CLVS1: variants seen among roughly 807,000 people sequenced by gnomAD.
CLVS1 encodes the protein clavesin-1.
Under a neutral mutation model 33.1 loss-of-function variants are expected in CLVS1, and 10 were observed. The observed-to-expected ratio is 0.30, with a 90% confidence interval of 0.19 to 0.51. The LOEUF (loss-of-function observed/expected upper bound fraction) is 0.51, where lower values mean the gene tolerates loss of function less well. Ranked by LOEUF, CLVS1 falls within the 20% of genes least tolerant of loss-of-function variation. The probability of loss-of-function intolerance (pLI) is 0.97; values close to 1 mark genes in which losing one functional copy is unlikely to be tolerated. For synonymous variants in CLVS1, 163 were observed against 166.1 expected (o/e 0.98, Z 0.14); for missense variants, 343 against 433.4 (o/e 0.79, Z 1.85).
chr8:61,477,894 G>A (rs377575180), intron 5 of CLVS1, among the ~76,000 whole-genome samples: 1 of 152,092 alleles, frequency 6.6e-6, no homozygotes, highest in Non-Finnish European at 1.5e-5. Flanking sequence ...TGATGTTAGG[G>A]TGTCAATTTT....
chr8:61,111,972 T>C (rs1805635439), intron 1 of CLVS1, among the ~76,000 whole-genome samples: 1 of 152,228 alleles, frequency 6.6e-6, no homozygotes, highest in Non-Finnish European at 1.5e-5. Flanking sequence ...CAAAGTTTTT[T>C]TCAAATCGGT....
At chr8:61,206,790 T>C (rs1807854910) in intron 2 of CLVS1, among the ~76,000 whole-genome samples, 1 of 152,150 alleles carries the variant, frequency 6.6e-6, no homozygotes, top group African/African-American at 2.4e-5. Flanking sequence ...GGTTTCACCT[T>C]GTTAGCCAGG....
In CLVS1 at chr8:61,074,399, T is replaced by TTATATATA. The variant is rs796909464; in HGVS notation, c.-243+17174_-243+17181dup. 5.8e-4 allele frequency among the ~76,000 whole-genome samples: 32 copies of TTATATATA among 55,558 alleles called. 1 individual carries two copies. Among genetic ancestry groups the TTATATATA allele is most frequent in the African/African-American group, 2.6e-3 (11 of 4,282 alleles). 36.4% of individuals were successfully genotyped at this position (55,558 alleles called of 152,430 possible). On this transcript the variant is annotated intron_variant, in intron 1 of 2. Transcript: ENST00000522621. Reference sequence around the variant, plus strand: ...ATAAGTATATGTGTATATATATATGTTATATATATATAAGTATATGTGTAT... The same window carrying TTATATATA: ...ATAAGTATATGTGTATATATATATGTTATATATATATATATATATAAGTATATGTGTAT...
chr8:61,314,201 G>C (rs1810936364), intron 2 of CLVS1, among the ~76,000 whole-genome samples: 6 of 152,142 alleles, frequency 3.9e-5, no homozygotes, highest in Admixed American at 1.3e-4. Context: ...CCCTTTCCCT[G>C]ACAGGGTCGT....
At chr8:61,453,810 A>T (rs1208541011) in intron 3 of CLVS1, among the ~76,000 whole-genome samples, 2 of 152,170 alleles carry the variant, frequency 1.3e-5, no homozygotes. Flanking sequence ...ACCTAACGCA[A>T]TGAAGAATTC....
chr8:61,058,474 C>A (rs968469294), intron 1 of CLVS1, among the ~76,000 whole-genome samples: 6 of 152,208 alleles, frequency 3.9e-5, no homozygotes, highest in African/African-American at 1.4e-4. Flanking sequence ...GAAGTTACTT[C>A]TGACTGACCA....
intron 1 of CLVS1, among the ~76,000 whole-genome samples, chr8:61,123,403 A>T (rs1805913104): frequency 6.6e-6 from 1 of 152,232 alleles, no homozygotes. Context: ...CCTGATTTAG[A>T]GTAAAACATT....
intron 5 of CLVS1, among the ~76,000 whole-genome samples, chr8:61,487,045 G>A (rs572601674): frequency 6.6e-6 from 1 of 152,206 alleles, no homozygotes; most frequent in South Asian, 2.1e-4. Context: ...AAATTTTAAT[G>A]AGCATACAAA....
At chr8:61,273,862 C>T (rs1025297125) in intron 2 of CLVS1, 8 of 157,292 alleles carry the variant, frequency 5.1e-5, no homozygotes, top group South Asian at 2.0e-4. Flanking sequence ...GCGCACGGTG[C>T]GCGCACCCAC....
chr8:61,232,041 T>TTTTTTTTTTTTTTTTTGTTTTG (rs1554548394), intron 2 of CLVS1, among the ~76,000 whole-genome samples: 709 of 115,914 alleles, frequency 6.1e-3, no homozygotes, highest in South Asian at 0.014. Context: ...TTTTTTTTTT[T>TTTTTTTTTTTTTTTTTGTTTTG]TTTTTTTTTG....
chr8:61,320,198 T>C (rs992967121), intron 2 of CLVS1, among the ~76,000 whole-genome samples: 5 of 152,204 alleles, frequency 3.3e-5, no homozygotes, highest in African/African-American at 1.2e-4. Flanking sequence ...GATCACCTTG[T>C]TTCAAGCTTT....
intron 2 of CLVS1, among the ~76,000 whole-genome samples, chr8:61,328,548 T>C (rs1415962782): frequency 6.6e-6 from 1 of 151,830 alleles, no homozygotes; most frequent in African/African-American, 2.4e-5. Flanking sequence ...TTTAATCACT[T>C]CCCTTATCCT....
chr8:61,405,098 G>C (rs1168115687), intron 3 of CLVS1, among the ~76,000 whole-genome samples: 1 of 152,160 alleles, frequency 6.6e-6, no homozygotes, highest in Non-Finnish European at 1.5e-5. Flanking sequence ...CTCTCTGGGG[G>C]GTAGTGAATA....
chr8:61,120,330 A>G (rs1356259865), intron 1 of CLVS1, among the ~76,000 whole-genome samples: 2 of 126,394 alleles, frequency 1.6e-5, no homozygotes, highest in African/African-American at 3.3e-5. Context: ...GTCCTCCCGT[A>G]GCTCAGAGTA....
intron 2 of CLVS1, among the ~76,000 whole-genome samples, chr8:61,322,690 A>G (rs1811239641): frequency 6.6e-6 from 1 of 152,166 alleles, no homozygotes; most frequent in Non-Finnish European, 1.5e-5. Flanking sequence ...TGGACTATTC[A>G]TAAGTTAGAA....
At chr8:61,366,287 G>A (rs1470083997) in intron 2 of CLVS1, among the ~76,000 whole-genome samples, 1 of 152,174 alleles carries the variant, frequency 6.6e-6, no homozygotes, top group African/African-American at 2.4e-5. Context: ...CAATGGCTAA[G>A]AGTCTCATGG....
intron 3 of CLVS1, among the ~76,000 whole-genome samples, chr8:61,407,367 A>C (rs1188781280): frequency 6.6e-6 from 1 of 152,254 alleles, no homozygotes; most frequent in East Asian, 1.9e-4. Context: ...AAAAGCACAG[A>C]TATTAGTATT....
chr8:61,361,352 C>T (rs1812972142), intron 2 of CLVS1, among the ~76,000 whole-genome samples: 1 of 152,198 alleles, frequency 6.6e-6, no homozygotes, highest in South Asian at 2.1e-4. Flanking sequence ...GTCCTGTAAG[C>T]ATGGAATAAT....
At chr8:61,145,170 C>G (rs112143532) in intron 2 of CLVS1, among the ~76,000 whole-genome samples, 27 of 152,282 alleles carry the variant, frequency 1.8e-4, no homozygotes, top group African/African-American at 6.3e-4. Context: ...AAAAGGCAAC[C>G]TACAGAATGA....
Sources: allele counts gnomAD v4.1 joint callset (sites outside exome capture counted in the v4.1 genomes callset), GRCh38; gene constraint gnomAD v4.1.1; transcripts MANE v1.5; gene names NCBI Gene and HGNC (gene_info 2026-07-23, HGNC 2026-07-21).